The following TMX3 variants were observed in gnomAD, a reference collection of about 807,000 sequenced individuals.
TMX3 encodes the protein protein disulfide-isomerase TMX3.
TMX3 carries 40 observed loss-of-function variants against 64.4 expected under a neutral mutation model. The observed-to-expected ratio is 0.62, with a 90% CI of 0.48 to 0.81. The LOEUF (loss-of-function observed/expected upper bound fraction) is 0.81. Ranked by LOEUF, TMX3 falls within the 30% of genes least tolerant of loss-of-function variation. TMX3 has a pLI of 0.00. For missense variants in TMX3, 497 were observed against 534.5 expected, an observed-to-expected ratio of 0.93 and a Z score of 0.69; for synonymous variants, 189 against 175.7, an observed-to-expected ratio of 1.08 and a Z score of -0.60.
chr18:68,707,402 T>C (rs2030784863), intron 4 of TMX3, among the ~76,000 whole-genome samples: 1 of 152,142 alleles, frequency 6.6e-6, no homozygotes, highest in Non-Finnish European at 1.5e-5. Flanking sequence ...TCTCTAAGTG[T>C]CTCAGGAAAA....
intron 4 of TMX3, among the ~76,000 whole-genome samples, chr18:68,706,943 C>T (rs1436170299): frequency 6.6e-6 from 1 of 152,226 alleles, no homozygotes; most frequent in Non-Finnish European, 1.5e-5. Context: ...GTGGATAATG[C>T]TTCCATCACT....
Position 68,687,893 on chromosome 18 carries a change from GAATT to G in TMX3, c.638-132_638-129del, listed in dbSNP as rs1291005033. 11 of 568,352 alleles carry G rather than the reference GAATT, an allele frequency of 1.9e-5. No individual in the cohort carries two copies. The South Asian group carries it at 3.3e-4, about 17-fold the overall frequency. 35.2% of individuals were successfully genotyped at this position (568,352 alleles called of 1,614,324 possible). ...ATACTTCCATAAATATTGTTTTTAG[GAATT>G]TATTGCAAGCATACAATCAAATGTA... On this transcript the variant is annotated intron_variant, in intron 9 of 15. Transcript: ENST00000299608.
At chr18:68,696,724 G>A (rs1915111831) in intron 8 of TMX3, among the ~76,000 whole-genome samples, 1 of 152,076 alleles carries the variant, frequency 6.6e-6, no homozygotes. Context: ...TGATCTACCT[G>A]TCTAGGCCTC....
chr18:68,715,080 C>G lies in TMX3; in HGVS notation c.-99G>C, dbSNP rs970991565. The G allele has an allele frequency of 1.9e-6, 3 of 1,539,214 alleles. No individual in the cohort carries two copies. Among genetic ancestry groups the G allele is most frequent in the African/African-American group, 2.8e-5 (2 of 72,260 alleles). ...CCCGGAAAGGGAAACGGAGCCGACCCGGAGCGGAAGAGAAGCACCGCGCTA... is the reference window on the plus strand; with the variant it reads ...CCCGGAAAGGGAAACGGAGCCGACCGGGAGCGGAAGAGAAGCACCGCGCTA... On this transcript the variant is annotated 5_prime_UTR_variant, in exon 1 of 16. Coordinates refer to ENST00000299608, the MANE Select transcript of TMX3 (RefSeq NM_019022.5).
Position 68,682,997 on chromosome 18 carries a change from C to G in TMX3, c.849-16G>C. ...CTGAAAATCCCTAACCACCACCAAC[C>G]AAAAATAAATAAATAAAAGGAGAGG... On this transcript the variant is annotated splice_polypyrimidine_tract_variant and intron_variant, in intron 12 of 15. Coordinates refer to ENST00000299608, the MANE Select transcript of TMX3 (RefSeq NM_019022.5). 6.3e-7 allele frequency: 1 copy of G among 1,596,550 alleles called. No homozygotes were observed. Among genetic ancestry groups the G allele is most frequent in the Non-Finnish European group, 8.5e-7 (1 of 1,169,738 alleles).
chr18:68,713,951 T>A, intron 1 of TMX3, 51 bp from the exon 2 acceptor site: 1 of 1,344,410 alleles, frequency 7.4e-7, no homozygotes, highest in Non-Finnish European at 1.0e-6. Context: ...ATTTGGCTCA[T>A]ACCGTATAAG....
intron 4 of TMX3, among the ~76,000 whole-genome samples, chr18:68,709,020 C>T (rs1396996169): frequency 6.6e-6 from 1 of 152,106 alleles, no homozygotes; most frequent in Non-Finnish European, 1.5e-5. Context: ...ACGAAATATA[C>T]ATTACGTACT....
At chr18:68,695,594 C>G (rs1914982349) in intron 8 of TMX3, among the ~76,000 whole-genome samples, 1 of 152,154 alleles carries the variant, frequency 6.6e-6, no homozygotes, top group Non-Finnish European at 1.5e-5. Flanking sequence ...TTGTTCAAAC[C>G]AAAACATCTA....
rs969560909 is a variant in TMX3, at chr18:68,675,176, A to G, written c.*1757T>C. 1.3e-5 allele frequency: 2 copies of G among 152,154 alleles called. No individual in the cohort carries two copies. Among genetic ancestry groups the G allele is most frequent in the African/African-American group, 4.8e-5 (2 of 41,456 alleles). 9.4% of individuals were successfully genotyped at this position (152,154 alleles called of 1,614,324 possible). On this transcript the variant is annotated 3_prime_UTR_variant, in exon 16 of 16. Transcript: ENST00000299608. The stretch of plus-strand genomic sequence containing the variant: ...TCTAAGCTTTTCACTACTGCAAAAC[A>G]AGCTTGACTATTGGGAACATTAACA...
Position 68,709,401 on chromosome 18 carries a change from G to A in TMX3, c.265+620C>T, listed in dbSNP as rs547326839. On this transcript the variant is annotated intron_variant, in intron 4 of 15. Transcript: ENST00000299608. The stretch of plus-strand genomic sequence containing the variant: ...GGCATACAGCCTCTGTCACAACTAC[G>A]GAATTCTGCCATGGAGGCACAGAAA... 5.9e-5 allele frequency among the ~76,000 whole-genome samples: 9 copies of A among 152,162 alleles called. No homozygotes were observed. In the East Asian group the frequency reaches 1.5e-3, roughly 26 times the overall value.
chr18:68,704,033 A>G (rs1343038011), intron 4 of TMX3, among the ~76,000 whole-genome samples: 3 of 152,166 alleles, frequency 2.0e-5, no homozygotes, highest in African/African-American at 7.2e-5. Flanking sequence ...TTTATCGCCT[A>G]TGTAACTCTG....
rs1021925427 is a variant in TMX3 at position 68,675,712 on chromosome 18, C to T, written c.*1221G>A. On this transcript the variant is annotated 3_prime_UTR_variant, in exon 16 of 16. Coordinates refer to ENST00000299608, the MANE Select transcript of TMX3 (RefSeq NM_019022.5). ...AATGAAGGCCTCAAAAATAATTTAT[C>T]TACAATAAACATACCAAACTGTTAC... The T allele has an allele frequency of 6.6e-6, 1 of 152,054 alleles. No individual in the cohort carries two copies. The highest frequency in any genetic ancestry group is 2.4e-5 in the African/African-American group (1 of 41,394). The allele number at this position is 152,054 out of a possible 1,614,324, so 9.4% of individuals were successfully genotyped here. A position where few individuals can be genotyped will look rare whatever the true frequency, so the allele number is the denominator to read the frequency against.
In TMX3 at chr18:68,675,367, A is replaced by G. The variant is rs1335640184; in HGVS notation, c.*1566T>C. 6.6e-6 allele frequency: 1 copy of G among 152,164 alleles called. No individual in the cohort carries two copies. Among genetic ancestry groups the G allele is most frequent in the Non-Finnish European group, 1.5e-5 (1 of 68,026 alleles). The allele number at this position is 152,164 out of a possible 1,614,324, so 9.4% of individuals were successfully genotyped here. On this transcript the variant is annotated 3_prime_UTR_variant, in exon 16 of 16. Transcript: ENST00000299608. ...AAAAAAAAGAAATATGGAGTGTCAA[A>G]CACTAAGAATAGGTATTTAATTATT...
intron 10 of TMX3, chr18:68,686,654 C>T: frequency 1.1e-6 from 1 of 877,548 alleles, no homozygotes; most frequent in Non-Finnish European, 1.4e-6. Flanking sequence ...TTGCAGTGAG[C>T]CAAGATCACG....
Position 68,697,978 on chromosome 18 carries a change from C to G in TMX3, c.446G>C (p.Arg149Thr), listed in dbSNP as rs1411205957. 1.2e-6 allele frequency: 2 copies of G among 1,612,358 alleles called. No homozygotes were observed. Among genetic ancestry groups the G allele is most frequent in the Non-Finnish European group, 1.7e-6 (2 of 1,179,726 alleles). Residue 149 changes from arginine to threonine, a missense_variant, in exon 7 of 16, where the codon AGA becomes ACA. Transcript: ENST00000299608. ...TACATAAACGAAAAATACACGGTGT[C>G]TCTTCTGCATATGTTCAAACATTTG... ...SQQMFEHMQK[R>T]HRVFFVYVGG...
chr18:68,705,449 A>G (rs2030569936), intron 4 of TMX3, among the ~76,000 whole-genome samples: 1 of 152,228 alleles, frequency 6.6e-6, no homozygotes, highest in African/African-American at 2.4e-5. Flanking sequence ...TTAATTTTTA[A>G]CTACAATCTA....
intron 9 of TMX3, chr18:68,690,958 C>T (rs914137473): frequency 1.7e-4 from 42 of 241,790 alleles, no homozygotes; most frequent in Non-Finnish European, 1.1e-4. Flanking sequence ...GTTATTTCTT[C>T]AAGTCTTTTT....
chr18:68,674,425 T>C lies in TMX3; in HGVS notation c.*2508A>G, dbSNP rs1912764281. 1 of 151,930 alleles carries C rather than the reference T, an allele frequency of 6.6e-6. No individual in the cohort carries two copies. The highest frequency in any genetic ancestry group is 1.5e-5 in the Non-Finnish European group (1 of 67,956). 9.4% of individuals were successfully genotyped at this position (151,930 alleles called of 1,614,324 possible). On this transcript the variant is annotated 3_prime_UTR_variant, in exon 16 of 16. Transcript: ENST00000299608. Reference sequence around the variant, plus strand: ...AAAGCAAGGATCTAGAATTCCGAATTTTAGAAGTTATAAAGAGAACTTCAC... The same window carrying C: ...AAAGCAAGGATCTAGAATTCCGAATCTTAGAAGTTATAAAGAGAACTTCAC...
At chr18:68,696,174 TTATTAC>T (rs1915053239) in intron 8 of TMX3, among the ~76,000 whole-genome samples, 5 of 152,186 alleles carry the variant, frequency 3.3e-5, no homozygotes, top group South Asian at 2.1e-4. Context: ...TAAATTATGA[TTATTAC>T]TATTATCATT....
Sources: gnomAD v4.1 joint callset for allele counts (sites outside exome capture counted in the v4.1 genomes callset) on GRCh38, gnomAD v4.1.1 for gene constraint, MANE v1.5 for transcripts, NCBI Gene and HGNC (gene_info 2026-07-23, HGNC 2026-07-21) for gene names.